The following RASEF variants were observed in gnomAD, a reference collection of about 807,000 sequenced individuals.
RASEF encodes ras and EF-hand domain-containing protein.
Under a neutral mutation model 90.1 loss-of-function variants are expected in RASEF, and 68 were observed. That is an observed-to-expected ratio of 0.75 (90% CI 0.62 to 0.92). The LOEUF is 0.92. RASEF is among the 40% of genes least tolerant of loss of function. The pLI, the probability that RASEF is intolerant of heterozygous loss-of-function variation, is 0.00. For missense variants in RASEF, 949 were observed against 937.2 expected, an observed-to-expected ratio of 1.01 and a Z score of -0.16; for synonymous variants, 331 against 345.2, an observed-to-expected ratio of 0.96 and a Z score of 0.46.
At chr9:82,988,917 GT>G (rs1253821801) in intron 16 of RASEF, among the ~76,000 whole-genome samples, 2 of 152,176 alleles carry the variant, frequency 1.3e-5, no homozygotes, top group Non-Finnish European at 2.9e-5. Context: ...CACATTCAAG[GT>G]TAGCACTGTT....
intron 3 of RASEF, among the ~76,000 whole-genome samples, chr9:83,016,574 A>G (rs1286563023): frequency 6.6e-6 from 1 of 152,146 alleles, no homozygotes; most frequent in Non-Finnish European, 1.5e-5. Context: ...AGTAAAATTC[A>G]GTGTACAAAT....
the RASEF span, among the ~76,000 whole-genome samples, chr9:83,171,021 T>G: frequency 4.6e-5 from 7 of 151,954 alleles, no homozygotes; most frequent in African/African-American, 1.7e-4. Context: ...TGAAAAGCTT[T>G]CAATTTTTCC....
At chr9:83,143,332 C>T in the RASEF span, among the ~76,000 whole-genome samples, 28 of 152,000 alleles carry the variant, frequency 1.8e-4, no homozygotes, top group Admixed American at 6.6e-4. Flanking sequence ...ACTATGCATC[C>T]GACAAAGGTC....
the RASEF span, among the ~76,000 whole-genome samples, chr9:83,137,615 C>T: frequency 2.6e-4 from 39 of 151,974 alleles, no homozygotes; most frequent in Admixed American, 2.2e-3. Flanking sequence ...GTGTGCTGAA[C>T]GAAGTCAGAA....
chr9:83,158,654 A>G, the RASEF span, among the ~76,000 whole-genome samples: 10 of 146,060 alleles, frequency 6.8e-5, no homozygotes, highest in East Asian at 3.9e-4. Flanking sequence ...ATGTCCAAAT[A>G]TATACATATA....
chr9:82,993,273 TA>T (rs1401953925), intron 14 of RASEF, among the ~76,000 whole-genome samples: 11 of 152,158 alleles, frequency 7.2e-5, no homozygotes, highest in African/African-American at 2.7e-4. Context: ...GGATCCAAAC[TA>T]ACTCCATAAC....
the RASEF span, among the ~76,000 whole-genome samples, chr9:83,075,003 G>T: frequency 6.6e-6 from 1 of 152,146 alleles, no homozygotes; most frequent in African/African-American, 2.4e-5. Context: ...TTAAAAATAA[G>T]AAAATACCAA....
Position 83,062,674 on chromosome 9 carries a change from T to C in RASEF, c.194A>G (p.Gln65Arg), listed in dbSNP as rs772103096. The stretch of plus-strand genomic sequence containing the variant: ...CCCGAGGAAGCCACGCGCGAACTCC[T>C]GGAAGGTGATGGCGCCGTCACGGTC... ...DADRDGAITF[Q>R]EFARGFLGSL... Residue 65 changes from glutamine to arginine, a missense_variant, in exon 1 of 17, where the codon CAG becomes CGG. Physicochemically the swap from Gln to Arg is conservative, Grantham distance 43. Coordinates refer to ENST00000376447, the MANE Select transcript of RASEF (RefSeq NM_152573.4). 6.4e-7 allele frequency: 1 copy of C among 1,574,294 alleles called. No individual in the cohort carries two copies. Among genetic ancestry groups the C allele is most frequent in the South Asian group, 1.1e-5 (1 of 87,598 alleles).
chr9:83,147,805 G>A, the RASEF span, among the ~76,000 whole-genome samples: 3 of 152,066 alleles, frequency 2.0e-5, no homozygotes, highest in African/African-American at 7.2e-5. Flanking sequence ...GTGGCTCTCA[G>A]CAGGATGGAG....
At chr9:83,075,200 C>G in the RASEF span, among the ~76,000 whole-genome samples, 1 of 152,234 alleles carries the variant, frequency 6.6e-6, no homozygotes, top group African/African-American at 2.4e-5. Flanking sequence ...CCAGCAAATT[C>G]CAACTTACAG....
At chr9:83,082,028 A>T in the RASEF span, among the ~76,000 whole-genome samples, 1 of 152,192 alleles carries the variant, frequency 6.6e-6, no homozygotes, top group African/African-American at 2.4e-5. Flanking sequence ...GTTACCAGGA[A>T]ATGTAGCCTA....
At chr9:83,056,983 A>T (rs1830113713) in intron 1 of RASEF, among the ~76,000 whole-genome samples, 1 of 152,188 alleles carries the variant, frequency 6.6e-6, no homozygotes. Context: ...CCAAAAAGAA[A>T]TTACTACCTT....
upstream of RASEF, among the ~76,000 whole-genome samples, chr9:83,063,740 G>GT (rs957622288): frequency 1.3e-5 from 2 of 152,130 alleles, no homozygotes; most frequent in East Asian, 2.0e-4. Context: ...CGTTTTGTAG[G>GT]TTTTTTTACT....
intron 1 of RASEF, among the ~76,000 whole-genome samples, chr9:83,045,105 A>T (rs1829904641): frequency 6.6e-6 from 1 of 152,192 alleles, no homozygotes; most frequent in Admixed American, 6.5e-5. Context: ...CTCTCTTTCT[A>T]AATAATATGT....
At chr9:83,126,330 C>T in the RASEF span, among the ~76,000 whole-genome samples, 1 of 152,238 alleles carries the variant, frequency 6.6e-6, no homozygotes, top group African/African-American at 2.4e-5. Context: ...AAGAAGGTGG[C>T]TGTTTGCAAG....
At chr9:83,160,002 G>A in the RASEF span, among the ~76,000 whole-genome samples, 17 of 152,190 alleles carry the variant, frequency 1.1e-4, no homozygotes, top group Non-Finnish European at 1.8e-4. Context: ...ACCTTCTGCC[G>A]TGATTGTGAG....
At chr9:83,158,694 G>GTACATATACATATA in the RASEF span, among the ~76,000 whole-genome samples, 5 of 144,618 alleles carry the variant, frequency 3.5e-5, no homozygotes, top group African/African-American at 1.3e-4. Context: ...ATACATATAT[G>GTACATATACATATA]TATATATTTA....
At chr9:83,065,691 T>C (rs1229746341), upstream of RASEF, among the ~76,000 whole-genome samples, 2 of 152,218 alleles carry the variant, frequency 1.3e-5, no homozygotes, top group Admixed American at 6.5e-5. Flanking sequence ...TCTCCCAGGC[T>C]CTTGTCCTAA....
At chr9:83,177,308 C>A in the RASEF span, among the ~76,000 whole-genome samples, 1 of 152,148 alleles carries the variant, frequency 6.6e-6, no homozygotes, top group Admixed American at 6.5e-5. Flanking sequence ...TGCAATTACT[C>A]TTGTACCAAC....
Sources: gnomAD v4.1 joint callset for allele counts (sites outside exome capture counted in the v4.1 genomes callset) on GRCh38, gnomAD v4.1.1 for gene constraint, MANE v1.5 for transcripts, NCBI Gene and HGNC (gene_info 2026-07-23, HGNC 2026-07-21) for gene names.